Variants in GALNT10 observed in about 807,000 individuals in gnomAD.
The protein encoded by GALNT10 is GalNAc transferase 10.
Under a neutral mutation model 75.0 loss-of-function variants are expected in GALNT10, and 41 were observed. The observed-to-expected ratio is 0.55, with a 90% confidence interval of 0.43 to 0.71. The LOEUF (loss-of-function observed/expected upper bound fraction) is 0.71. Ranked by LOEUF, GALNT10 falls within the 30% of genes least tolerant of loss-of-function variation. The pLI, the probability that GALNT10 is intolerant of heterozygous loss-of-function variation, is 0.00. For missense variants in GALNT10, 727 were observed against 818.5 expected (o/e 0.89, Z 1.36); for synonymous variants, 302 against 313.0 (o/e 0.96, Z 0.37).
intron 4 of GALNT10, chr5:154,338,444 C>T (rs191728827): frequency 8.6e-4 from 297 of 347,042 alleles, no homozygotes; most frequent in African/African-American, 5.9e-3. Flanking sequence ...CAGACTCTGA[C>T]TTAGACATGA....
At chr5:154,410,662 G>A (rs1388776628) in intron 9 of GALNT10, among the ~76,000 whole-genome samples, 3 of 152,292 alleles carry the variant, frequency 2.0e-5, no homozygotes, top group East Asian at 1.9e-4. Flanking sequence ...CTTGTTGGTC[G>A]TTCCTGCTTC....
chr5:154,368,821 G>C (rs1337120983), intron 4 of GALNT10, among the ~76,000 whole-genome samples: 1 of 152,204 alleles, frequency 6.6e-6, no homozygotes, highest in Non-Finnish European at 1.5e-5. Flanking sequence ...CTGTCTATAA[G>C]TTTTTCAAGC....
intron 4 of GALNT10, among the ~76,000 whole-genome samples, chr5:154,371,860 A>G (rs143106598): frequency 6.6e-6 from 1 of 152,256 alleles, no homozygotes; most frequent in Non-Finnish European, 1.5e-5. Context: ...TGGCAGAGGA[A>G]CAAGAGTTAC....
chr5:154,290,353 C>T (rs981233957), intron 1 of GALNT10, among the ~76,000 whole-genome samples: 5 of 150,450 alleles, frequency 3.3e-5, no homozygotes, highest in Non-Finnish European at 5.9e-5. Flanking sequence ...AAGTGATCCG[C>T]CCACCTCAGC....
intron 3 of GALNT10, among the ~76,000 whole-genome samples, chr5:154,328,083 G>GA (rs5872372): frequency 0.63 from 92,782 of 147,398 alleles, 29,483 homozygotes; most frequent in Admixed American, 0.75. Flanking sequence ...AATCGAAGGG[G>GA]AAAAAAAAAA....
chr5:154,288,920 T>G (rs1754151024), intron 1 of GALNT10, among the ~76,000 whole-genome samples: 2 of 152,212 alleles, frequency 1.3e-5, no homozygotes, highest in Non-Finnish European at 2.9e-5. Context: ...TAACTAAGAC[T>G]TTTTTCTTTC....
In GALNT10 at chr5:154,412,791, CTAA is replaced by C; in HGVS notation, c.1387-96_1387-94del. On this transcript the variant is annotated intron_variant, in intron 9 of 11. Coordinates refer to ENST00000297107, the MANE Select transcript of GALNT10 (RefSeq NM_198321.4). The surrounding 1 kb of genome is among the most constrained non-coding windows in gnomAD (Gnocchi z 4.2). Reference sequence around the variant, plus strand: ...CAAGACGATTTGAAGGTTAATCCAGCTAATGTCTCCCACTTGGTTTCCCCTTTC... The same window carrying C: ...CAAGACGATTTGAAGGTTAATCCAGCTGTCTCCCACTTGGTTTCCCCTTTC... 1 of 828,068 alleles carries C rather than the reference CTAA, an allele frequency of 1.2e-6. No individual in the cohort carries two copies. Among genetic ancestry groups the C allele is most frequent in the Non-Finnish European group, 2.1e-6 (1 of 472,854 alleles). The allele number at this position is 828,068 out of a possible 1,614,324, so 51.3% of individuals were successfully genotyped here.
chr5:154,400,819 G>A (rs928855792), intron 7 of GALNT10, among the ~76,000 whole-genome samples: 3 of 152,104 alleles, frequency 2.0e-5, no homozygotes, highest in Non-Finnish European at 2.9e-5. Context: ...AGAAGTGAGT[G>A]GAATGAGGTG....
Position 154,416,928 on chromosome 5 carries a change from G to A in GALNT10, c.1768G>A (p.Glu590Lys). 6.2e-7 allele frequency: 1 copy of A among 1,614,114 alleles called. No homozygotes were observed. The highest frequency in any genetic ancestry group is 8.5e-7 in the Non-Finnish European group (1 of 1,179,956). Residue 590 changes from glutamate (E) to lysine (K), a missense_variant, in exon 12 of 12, where the codon GAA becomes AAA. Glu to Lys is a moderately conservative substitution (Grantham distance 56). Coordinates refer to ENST00000297107, the MANE Select transcript of GALNT10 (RefSeq NM_198321.4). This position sits in a 1 kb window ranked among gnomAD's most constrained non-coding sequence, Gnocchi z 4.5. ...PSSLTQQWLF[E>K]HTNSTVLEKF... ...CTCTCTCACCCAGCAGTGGCTGTTT[G>A]AACACACCAACTCAACAGTCTTGGA...
At chr5:154,282,584 G>A (rs376665764) in intron 1 of GALNT10, among the ~76,000 whole-genome samples, 70 of 152,266 alleles carry the variant, frequency 4.6e-4, no homozygotes, top group Middle Eastern at 3.4e-3. Flanking sequence ...AATGAAAGAA[G>A]GAAGAAGGTG....
intron 7 of GALNT10, among the ~76,000 whole-genome samples, chr5:154,397,687 G>C (rs1487633769): frequency 6.6e-6 from 1 of 152,220 alleles, no homozygotes; most frequent in Non-Finnish European, 1.5e-5. Context: ...CAACTGATTA[G>C]GGTTTGAACT....
At chr5:154,286,390 T>TTG (rs1754112629) in intron 1 of GALNT10, among the ~76,000 whole-genome samples, 1 of 152,068 alleles carries the variant, frequency 6.6e-6, no homozygotes, top group Non-Finnish European at 1.5e-5. Context: ...GATTTGTTTT[T>TTG]TTTTTTTTTT....
chr5:154,374,215 T>C (rs1311817664), intron 4 of GALNT10, among the ~76,000 whole-genome samples: 3 of 152,198 alleles, frequency 2.0e-5, no homozygotes, highest in African/African-American at 4.8e-5. Context: ...ACAGAGTCAC[T>C]GTACCAAAGA....
intron 1 of GALNT10, among the ~76,000 whole-genome samples, chr5:154,270,608 C>T (rs1273284957): frequency 6.6e-6 from 1 of 152,140 alleles, no homozygotes; most frequent in African/African-American, 2.4e-5. Context: ...GCCCTTTGAT[C>T]CTCCAGTCAG....
At chr5:154,387,071 A>G (rs1400506767) in intron 7 of GALNT10, 1 of 152,500 alleles carries the variant, frequency 6.6e-6, no homozygotes, top group Non-Finnish European at 1.5e-5. Context: ...ATGTCTAGAA[A>G]GTGCTTAGCA....
chr5:154,331,209 G>C (rs9968706), intron 4 of GALNT10, among the ~76,000 whole-genome samples: 105,425 of 151,920 alleles, frequency 0.69, 37,695 homozygotes, highest in Admixed American at 0.81. Flanking sequence ...TGCTTACTAC[G>C]TGTTTGATGA....
At chr5:154,315,914 C>G (rs1188000063) in intron 3 of GALNT10, among the ~76,000 whole-genome samples, 1 of 152,228 alleles carries the variant, frequency 6.6e-6, no homozygotes, top group Admixed American at 6.5e-5. Context: ...CTCAAACCTA[C>G]AAGTCCATTT....
intron 4 of GALNT10, among the ~76,000 whole-genome samples, chr5:154,362,708 C>CT (rs1755412053): frequency 1.3e-5 from 2 of 152,136 alleles, no homozygotes; most frequent in South Asian, 4.1e-4. Flanking sequence ...ATATTTGAGT[C>CT]TTTTTTATGG....
intron 3 of GALNT10, chr5:154,329,367 G>A (rs549644728): frequency 4.1e-5 from 23 of 565,958 alleles, no homozygotes; most frequent in South Asian, 7.0e-5. Flanking sequence ...ACATATCCGC[G>A]TGTGCTGTAT....
Sources: allele counts gnomAD v4.1 joint callset (sites outside exome capture counted in the v4.1 genomes callset), GRCh38; gene constraint gnomAD v4.1.1; non-coding constraint Gnocchi (gnomAD v3.1); transcripts MANE v1.5; gene names NCBI Gene and HGNC (gene_info 2026-07-23, HGNC 2026-07-21).